Variants in LARGE1 observed in about 807,000 individuals in gnomAD.
The protein encoded by LARGE1 is LARGE xylosyl- and glucuronyltransferase 1, also known as xylosyl- and glucuronyltransferase LARGE1.
A neutral mutation model predicts 87.6 loss-of-function variants in LARGE1; 43 were observed. The ratio of observed to expected loss-of-function variants is 0.49; its 90% CI spans 0.38 to 0.63. The LOEUF (loss-of-function observed/expected upper bound fraction) is 0.63. LARGE1 is among the 30% of genes least tolerant of loss of function. The pLI, the probability that LARGE1 is intolerant of heterozygous loss-of-function variation, is 0.00. For synonymous variants in LARGE1, 434 were observed against 394.6 expected, an observed-to-expected ratio of 1.10 and a Z score of -1.18; for missense variants, 802 against 1,000.2, an observed-to-expected ratio of 0.80 and a Z score of 2.67.
chr22:33,436,699 G>C (rs1389213737), intron 6 of LARGE1: 1 of 152,538 alleles, frequency 6.6e-6, no homozygotes, highest in Non-Finnish European at 1.5e-5. Flanking sequence ...CAACCAAGTT[G>C]ATGTGGCCTA....
At chr22:33,302,542 G>A (rs954259208) in intron 12 of LARGE1, among the ~76,000 whole-genome samples, 8 of 152,184 alleles carry the variant, frequency 5.3e-5, no homozygotes, top group African/African-American at 1.9e-4. Context: ...GGCACGGAGG[G>A]TATGCAGGCT....
the LARGE1 span, among the ~76,000 whole-genome samples, chr22:33,156,850 C>A: frequency 6.6e-6 from 1 of 151,924 alleles, no homozygotes; most frequent in Admixed American, 6.6e-5. Flanking sequence ...TGGGAGGAAC[C>A]CAGTGGGAGG....
At chr22:33,071,105 A>T in the LARGE1 span, among the ~76,000 whole-genome samples, 5 of 152,234 alleles carry the variant, frequency 3.3e-5, no homozygotes, top group African/African-American at 1.2e-4. Flanking sequence ...TTTGCAAGAC[A>T]TGTTGGTATC....
chr22:33,608,535 G>A (rs2079331382), intron 4 of LARGE1, among the ~76,000 whole-genome samples: 1 of 152,154 alleles, frequency 6.6e-6, no homozygotes, highest in Admixed American at 6.5e-5. Context: ...CTGGCTCCTT[G>A]TCCCTACTGT....
chr22:33,156,299 A>C, the LARGE1 span, among the ~76,000 whole-genome samples: 1 of 152,086 alleles, frequency 6.6e-6, no homozygotes, highest in Non-Finnish European at 1.5e-5. Context: ...GACACTCAAC[A>C]CCAGCCCATG....
intron 3 of LARGE1, among the ~76,000 whole-genome samples, chr22:33,645,426 T>G (rs1315250423): frequency 2.6e-5 from 4 of 152,118 alleles, no homozygotes; most frequent in Non-Finnish European, 4.4e-5. Flanking sequence ...TCCTTACACC[T>G]TATACAAAAA....
At chr22:33,723,390 T>C (rs2083168170) in intron 2 of LARGE1, among the ~76,000 whole-genome samples, 1 of 152,082 alleles carries the variant, frequency 6.6e-6, no homozygotes, top group Non-Finnish European at 1.5e-5. Flanking sequence ...CTCCAGGATG[T>C]GGGTGATGTA....
rs188666103 is a variant in LARGE1, at chr22:33,676,138, A to G, written c.107-25470T>C. On this transcript the variant is annotated intron_variant, in intron 2 of 14. Transcript: ENST00000397394. ...AAGATATTTTTGCACAAAACATCAA[A>G]AAGTGGCTTATGCAGATTCACTGCT... Among the ~76,000 whole-genome samples, 11 of 152,240 alleles carry G rather than the reference A, an allele frequency of 7.2e-5. No homozygotes were observed. The East Asian group carries it at 2.1e-3, about 29-fold the overall frequency.
At chr22:33,827,451 T>C (rs2062832303) in intron 1 of LARGE1, among the ~76,000 whole-genome samples, 1 of 152,096 alleles carries the variant, frequency 6.6e-6, no homozygotes, top group Admixed American at 6.5e-5. Context: ...CACATAAACT[T>C]TTGGCACATG....
chr22:33,644,133 C>G (rs988254678), intron 3 of LARGE1, among the ~76,000 whole-genome samples: 1 of 152,184 alleles, frequency 6.6e-6, no homozygotes, highest in East Asian at 1.9e-4. Context: ...GGCCAATATC[C>G]CTGATGAACA....
intron 2 of LARGE1, among the ~76,000 whole-genome samples, chr22:33,674,733 A>G (rs2081514468): frequency 1.3e-5 from 2 of 152,152 alleles, no homozygotes; most frequent in African/African-American, 4.8e-5. Flanking sequence ...CCTCAACCTC[A>G]GGAAAGTCTC....
In LARGE1 at chr22:33,387,196, GCACA is replaced by G. The variant is rs2065354415; in HGVS notation, c.893-2896_893-2893del. Among the ~76,000 whole-genome samples the G allele has an allele frequency of 6.7e-5, 10 of 148,306 alleles. 1 individual carries two copies. Among genetic ancestry groups the G allele is most frequent in the Non-Finnish European group, 1.5e-4 (10 of 66,364 alleles). Reference sequence around the variant, plus strand: ...TCTCAGCACTTTGGGAGGCCAAGGTGCACAGATCATCTGAAGTCAGGAGTCCAAG... The same window carrying G: ...TCTCAGCACTTTGGGAGGCCAAGGTGGATCATCTGAAGTCAGGAGTCCAAG... On this transcript the variant is annotated intron_variant, in intron 7 of 14. Coordinates refer to ENST00000397394, the MANE Select transcript of LARGE1 (RefSeq NM_133642.5).
intron 13 of LARGE1, among the ~76,000 whole-genome samples, chr22:33,280,474 A>G (rs947260130): frequency 6.6e-6 from 1 of 152,180 alleles, no homozygotes; most frequent in Non-Finnish European, 1.5e-5. Context: ...CTCTCAGAAA[A>G]TTATAATGTG....
chr22:33,835,960 A>G (rs1431686854), intron 1 of LARGE1, among the ~76,000 whole-genome samples: 2 of 152,208 alleles, frequency 1.3e-5, no homozygotes, highest in Admixed American at 1.3e-4. Context: ...CAAAGTCAGA[A>G]ACAGCTCTGA....
intron 1 of LARGE1, among the ~76,000 whole-genome samples, chr22:33,915,044 G>C (rs111870063): frequency 0.037 from 3,774 of 101,690 alleles, 47 homozygotes; most frequent in Middle Eastern, 0.067. Context: ...CACACACACA[G>C]AGAGAGAGAG....
rs191616602 is a variant in LARGE1 at position 33,882,392 on chromosome 22, T to C, written c.-83+37603A>G. Among the ~76,000 whole-genome samples, 14 of 152,286 alleles carry C rather than the reference T, an allele frequency of 9.2e-5. No individual in the cohort carries two copies. In the East Asian group the frequency reaches 2.1e-3, roughly 23 times the overall value. The stretch of plus-strand genomic sequence containing the variant: ...TAACCTGGGGCAAATGAAATGCCTG[T>C]GTTTCAAGTCAGTGCAGACTATATC... On this transcript the variant is annotated intron_variant, in intron 1 of 14. Coordinates refer to ENST00000397394, the MANE Select transcript of LARGE1 (RefSeq NM_133642.5).
intron 4 of LARGE1, among the ~76,000 whole-genome samples, chr22:33,607,658 C>T (rs1404656127): frequency 6.6e-6 from 1 of 152,034 alleles, no homozygotes; most frequent in East Asian, 1.9e-4. Context: ...TGGAGGAGGA[C>T]AGTGAGTCTG....
intron 7 of LARGE1, among the ~76,000 whole-genome samples, chr22:33,410,668 G>C (rs2066277777): frequency 6.6e-6 from 1 of 151,936 alleles, no homozygotes; most frequent in Non-Finnish European, 1.5e-5. Context: ...CCAGTCTCAG[G>C]TATTTTTTTT....
chr22:33,480,146 G>C (rs1328526512), intron 6 of LARGE1, among the ~76,000 whole-genome samples: 1 of 152,154 alleles, frequency 6.6e-6, no homozygotes, highest in Non-Finnish European at 1.5e-5. Flanking sequence ...TGCCTAAACT[G>C]AACACAGAGA....
Sources: gnomAD v4.1 joint callset for allele counts (sites outside exome capture counted in the v4.1 genomes callset) on GRCh38, gnomAD v4.1.1 for gene constraint, MANE v1.5 for transcripts, NCBI Gene and HGNC (gene_info 2026-07-23, HGNC 2026-07-21) for gene names.